Variants in CLCN2 observed in about 807,000 individuals in gnomAD.
CLCN2 encodes the protein chloride channel protein 2.
In CLCN2, 72 loss-of-function variants were observed where a neutral mutation model predicts 108.3. That is an observed-to-expected ratio of 0.66 (90% CI 0.55 to 0.81). The LOEUF is 0.81. Ranked by LOEUF, CLCN2 falls within the 30% of genes least tolerant of loss-of-function variation. CLCN2 has a pLI of 0.00. For missense variants in CLCN2, 1,048 were observed against 1,205.2 expected (o/e 0.87, Z 1.93); for synonymous variants, 471 against 467.1 (o/e 1.01, Z -0.11).
intron 13 of CLCN2, 109 bp from the exon 14 acceptor site, chr3:184,354,767 G>A (rs1333812839): frequency 7.7e-7 from 1 of 1,304,940 alleles, no homozygotes; most frequent in Non-Finnish European, 1.1e-6. Flanking sequence ...GTCATTCAGT[G>A]TAGGGCACAG....
chr3:184,356,842 A>G, intron 10 of CLCN2, 151 bp downstream of exon 10: 2 of 672,930 alleles, frequency 3.0e-6, no homozygotes, highest in Non-Finnish European at 5.4e-6. Context: ...TGAATATAAA[A>G]ATGCTCAGTC....
chr3:184,358,300 C>T lies in CLCN2; in HGVS notation c.363G>A (p.Trp121Ter). 6.2e-7 allele frequency: 1 copy of T among 1,614,014 alleles called. No individual in the cohort carries two copies. Among genetic ancestry groups the T allele is most frequent in the Non-Finnish European group, 8.5e-7 (1 of 1,180,048 alleles). The change falls in exon 4 of 24, where the codon TGG becomes TGA. Residue 121 changes from tryptophan (W) to a stop codon, truncating the protein, a stop_gained. Coordinates refer to ENST00000265593, the MANE Select transcript of CLCN2 (RefSeq NM_004366.6). LOFTEE classifies it high-confidence loss of function. Reference sequence around the variant, plus strand: ...TGCTGGTGTTCAAGCCCCGGGACATCCACTGCTGGGCTGTGGGAAGAGGAC... The same window carrying T: ...TGCTGGTGTTCAAGCCCCGGGACATTCACTGCTGGGCTGTGGGAAGAGGAC... ...AIAACLQAQQ[W>*]MSRGLNTSIL...
chr3:184,346,436 G>C lies in CLCN2; in HGVS notation c.*170C>G. 1.3e-6 allele frequency: 1 copy of C among 748,776 alleles called. No individual in the cohort carries two copies. Among genetic ancestry groups the C allele is most frequent in the Non-Finnish European group, 2.3e-6 (1 of 442,360 alleles). The allele number at this position is 748,776 out of a possible 1,614,324, so 46.4% of individuals were successfully genotyped here. A position where few individuals can be genotyped will look rare whatever the true frequency, so the allele number is the denominator to read the frequency against. The stretch of plus-strand genomic sequence containing the variant: ...CTTGTTGCAGGTGGGTAGTGGGTCA[G>C]ATTCCAGGTAGGATGAACTGGGAGA... On this transcript the variant is annotated 3_prime_UTR_variant, in exon 24 of 24. Transcript: ENST00000265593. This position sits in a 1 kb window ranked among gnomAD's most constrained non-coding sequence, Gnocchi z 6.0.
In CLCN2 at chr3:184,354,130, G is replaced by A; in HGVS notation, c.1692C>T (p.Tyr564=). 1 of 1,612,726 alleles carries A rather than the reference G, an allele frequency of 6.2e-7. No individual in the cohort carries two copies. Among genetic ancestry groups the A allele is most frequent in the Non-Finnish European group, 8.5e-7 (1 of 1,179,872 alleles). The change falls in exon 15 of 24, where the codon TAC becomes TAT. Residue 564 remains tyrosine (Y), a synonymous_variant. Transcript: ENST00000265593. ...DSIIRIKKLP[Y]LPELGWGRHQ... ...GGCGGCCCCAGCCGAGCTCAGGCAG[G>A]TAGGGCAGTTTCTTGATTCGGATGA...
At chr3:184,351,350 G>A (rs1325589574) in intron 22 of CLCN2, among the ~76,000 whole-genome samples, 1 of 152,144 alleles carries the variant, frequency 6.6e-6, no homozygotes, top group Non-Finnish European at 1.5e-5. Flanking sequence ...TAGGAGTCCT[G>A]GACGCAGAGA....
intron 22 of CLCN2, 149 bp downstream of exon 22, chr3:184,351,864 C>A: frequency 1.4e-6 from 1 of 738,294 alleles, no homozygotes; most frequent in South Asian, 1.4e-5. Context: ...ATCATCCAAG[C>A]AGTATGTCTA....
At position 184,357,056 on chromosome 3, in the gene CLCN2, A is replaced by G; in HGVS notation, c.1022T>C (p.Leu341Pro). Residue 341 changes from leucine (L) to proline (P), a missense_variant, in exon 10 of 24, where the codon CTG becomes CCG. Physicochemically the swap from Leu to Pro is moderately conservative, Grantham distance 98. Transcript: ENST00000265593. ...CATCACCTGGACAATCTTCCGGTTC[A>G]GGTAGACAAAGAGGGCTCCACCGAA... ...SGFGGALFVY[L>P]NRKIVQVMRK... 1 of 1,613,848 alleles carries G rather than the reference A, an allele frequency of 6.2e-7. No individual in the cohort carries two copies. Among genetic ancestry groups the G allele is most frequent in the African/African-American group, 1.3e-5 (1 of 74,996 alleles).
At position 184,355,360 on chromosome 3, in the gene CLCN2, C is replaced by T. The variant is rs201402558; in HGVS notation, c.1326+14G>A. 8.0e-5 allele frequency: 129 copies of T among 1,613,520 alleles called. No individual in the cohort carries two copies. The highest frequency in any genetic ancestry group is 9.0e-5 in the Non-Finnish European group (106 of 1,179,966). ...GCTATGTAAAGGTTAGCAGTGTACACGTGAGGAGCCCACCTTCATGAGAAT... is the reference window on the plus strand; with the variant it reads ...GCTATGTAAAGGTTAGCAGTGTACATGTGAGGAGCCCACCTTCATGAGAAT... On this transcript the variant is annotated intron_variant, in intron 12 of 23. Transcript: ENST00000265593. This position sits in a 1 kb window ranked among gnomAD's most constrained non-coding sequence, Gnocchi z 6.3.
rs140242139 is a variant in CLCN2, at chr3:184,347,016, G to A, written c.2421C>T (p.His807=). The A allele has an allele frequency of 4.2e-5, 67 of 1,613,560 alleles. No homozygotes were observed. Among genetic ancestry groups the A allele is most frequent in the Non-Finnish European group, 5.3e-5 (63 of 1,179,576 alleles). ...CCACTCCCAGCAGTGAGAAGATAGT[G>A]TGAGTCTGCAGTGTGGGGAGAAAAG... ...LVERTSLHKT[H]TIFSLLGVDH... The change falls in exon 23 of 24, where the codon CAC becomes CAT. Residue 807 remains histidine (H), a synonymous_variant. Coordinates refer to ENST00000265593, the MANE Select transcript of CLCN2 (RefSeq NM_004366.6).
chr3:184,352,557 G>A, intron 19 of CLCN2, 61 bp from the exon 20 acceptor site: 4 of 1,563,798 alleles, frequency 2.6e-6, no homozygotes, highest in Non-Finnish European at 3.5e-6. Context: ...GGAGAGGGGA[G>A]GTGAGGGGAA....
rs1245719566 is a variant in CLCN2 at position 184,352,746 on chromosome 3, A to T, written c.2208T>A (p.Ala736=). 1.9e-6 allele frequency: 3 copies of T among 1,613,066 alleles called. No homozygotes were observed. The highest frequency in any genetic ancestry group is 2.5e-6 in the Non-Finnish European group (3 of 1,180,002). Residue 736 remains alanine (A), a synonymous_variant, in exon 19 of 24, where the codon GCT becomes GCA. Coordinates refer to ENST00000265593, the MANE Select transcript of CLCN2 (RefSeq NM_004366.6). ...SLFCGSPPPE[A]ASEKLESCEK... is the part of the protein sequence containing the mutation. Reference sequence around the variant, plus strand: ...GGCTCCAGCCACTCACCTCCGAAGCAGCCTCAGGGGGTGGACTGCCACAGA... The same window carrying T: ...GGCTCCAGCCACTCACCTCCGAAGCTGCCTCAGGGGGTGGACTGCCACAGA...
chr3:184,352,132 C>A lies in CLCN2; in HGVS notation c.2311-15G>T, dbSNP rs1728148064. On this transcript the variant is annotated splice_polypyrimidine_tract_variant and intron_variant, in intron 21 of 23. Coordinates refer to ENST00000265593, the MANE Select transcript of CLCN2 (RefSeq NM_004366.6). ...CACTCCAGAATCTGAGGGGAAGAGACTATGAGGTTTAGGGAGAAGGTGCCT... is the reference window on the plus strand; with the variant it reads ...CACTCCAGAATCTGAGGGGAAGAGAATATGAGGTTTAGGGAGAAGGTGCCT... The A allele has an allele frequency of 6.2e-7, 1 of 1,609,484 alleles. No individual in the cohort carries two copies. Among genetic ancestry groups the A allele is most frequent in the Non-Finnish European group, 8.5e-7 (1 of 1,175,982 alleles).
chr3:184,355,281 C>T lies in CLCN2; in HGVS notation c.1326+93G>A. 5 of 1,395,960 alleles carry T rather than the reference C, an allele frequency of 3.6e-6. No individual in the cohort carries two copies. In the South Asian group the frequency reaches 5.8e-5, roughly 16 times the overall value. The allele number at this position is 1,395,960 out of a possible 1,614,324, so 86.5% of individuals were successfully genotyped here. A position where few individuals can be genotyped will look rare whatever the true frequency, so the allele number is the denominator to read the frequency against. ...TGATAATAGTGCCTTTCCCATGGCA[C>T]TGTGGAGAGGCTTCGAGGAGTGAGC... On this transcript the variant is annotated intron_variant, in intron 12 of 23. Transcript: ENST00000265593. The surrounding 1 kb of genome is among the most constrained non-coding windows in gnomAD (Gnocchi z 6.3).
chr3:184,359,859 ACGGG>A (rs1711746090), intron 1 of CLCN2, among the ~76,000 whole-genome samples: 1 of 151,898 alleles, frequency 6.6e-6, no homozygotes, highest in Non-Finnish European at 1.5e-5. Flanking sequence ...GGGTGATGGG[ACGGG>A]AGAGTCGCCT....
intron 13 of CLCN2, 77 bp downstream of exon 13, chr3:184,354,827 G>C: frequency 1.3e-6 from 2 of 1,522,868 alleles, no homozygotes; most frequent in East Asian, 2.3e-5. Context: ...ACCCGCTCTT[G>C]GGCAGAGGGT....
At chr3:184,348,819 C>G (rs61022409) in intron 22 of CLCN2, 9,354 of 152,282 alleles carry the variant, frequency 0.061, 346 homozygotes, top group East Asian at 0.14. Flanking sequence ...AAACCACTTG[C>G]CCCTGACAGT....
intron 22 of CLCN2, among the ~76,000 whole-genome samples, chr3:184,351,476 C>T (rs1349362154): frequency 1.3e-5 from 2 of 152,202 alleles, no homozygotes; most frequent in Admixed American, 1.3e-4. Flanking sequence ...GCGTCCGTAC[C>T]AGTTTTCCTT....
rs749631843 is a variant in CLCN2 at position 184,354,558 on chromosome 3, G to T, written c.1497C>A (p.Tyr499Ter). The T allele has an allele frequency of 1.2e-6, 2 of 1,612,926 alleles. No homozygotes were observed. The highest frequency in any genetic ancestry group is 1.7e-6 in the Non-Finnish European group (2 of 1,179,740). The part of the protein sequence containing the change: ...SSTYRIVPGG[Y>*]AVVGAAALAG... Reference sequence around the variant, plus strand: ...ACCTGAGGCACTCACCGACCACAGCGTAGCCCCCAGGCACAATCCGGTAGG... The same window carrying T: ...ACCTGAGGCACTCACCGACCACAGCTTAGCCCCCAGGCACAATCCGGTAGG... Residue 499 changes from tyrosine (Y) to a stop codon, truncating the protein, a stop_gained, in exon 14 of 24, where the codon TAC becomes TAA. Coordinates refer to ENST00000265593, the MANE Select transcript of CLCN2 (RefSeq NM_004366.6). LOFTEE classifies it high-confidence loss of function.
chr3:184,347,493 CTT>C (rs1727768983), intron 22 of CLCN2: 1 of 289,622 alleles, frequency 3.5e-6, no homozygotes, highest in African/African-American at 2.2e-5. Context: ...GCCCCAGTCA[CTT>C]TTCATCACAC....
Sources: allele counts gnomAD v4.1 joint callset (sites outside exome capture counted in the v4.1 genomes callset), GRCh38; gene constraint gnomAD v4.1.1; non-coding constraint Gnocchi (gnomAD v3.1); transcripts MANE v1.5; gene names NCBI Gene and HGNC (gene_info 2026-07-23, HGNC 2026-07-21).